Variants in SGCZ observed in about 807,000 individuals in gnomAD.
The protein encoded by SGCZ is sarcoglycan zeta.
A neutral mutation model predicts 41.3 loss-of-function variants in SGCZ; 40 were observed. The ratio of observed to expected loss-of-function variants is 0.97; its 90% confidence interval spans 0.75 to 1.26. The LOEUF is 1.26. SGCZ is among the 50% of genes most tolerant of loss of function. The pLI is 0.00. For missense variants in SGCZ, 552 were observed against 369.8 expected, an observed-to-expected ratio of 1.49 and a Z score of -4.04; for synonymous variants, 206 against 137.5, an observed-to-expected ratio of 1.50 and a Z score of -3.49.
At chr8:14,479,111 A>G (rs914087326) in intron 2 of SGCZ, among the ~76,000 whole-genome samples, 3 of 152,180 alleles carry the variant, frequency 2.0e-5, no homozygotes, top group Non-Finnish European at 2.9e-5. Context: ...CACAGGGTGA[A>G]GTCCCACGAT....
At chr8:14,632,075 G>A (rs1174768528) in intron 1 of SGCZ, among the ~76,000 whole-genome samples, 2 of 152,004 alleles carry the variant, frequency 1.3e-5, no homozygotes, top group African/African-American at 4.8e-5. Context: ...AAAGAGTGCA[G>A]TGGCACAATC....
intron 5 of SGCZ, among the ~76,000 whole-genome samples, chr8:14,164,133 G>A (rs1021075147): frequency 4.6e-5 from 7 of 151,934 alleles, no homozygotes; most frequent in African/African-American, 1.5e-4. Context: ...ACATACTTTT[G>A]AGGATAATTA....
chr8:15,026,821 T>G (rs1014052109), intron 1 of SGCZ, among the ~76,000 whole-genome samples: 5 of 152,182 alleles, frequency 3.3e-5, no homozygotes, highest in African/African-American at 1.2e-4. Flanking sequence ...AGCCCAACAG[T>G]AGATTTCTTT....
At chr8:14,583,079 G>A (rs1407473744) in intron 1 of SGCZ, among the ~76,000 whole-genome samples, 66 of 149,570 alleles carry the variant, frequency 4.4e-4, no homozygotes, top group Non-Finnish European at 7.9e-4. Flanking sequence ...CTGAGGAATC[G>A]CCACACTGAC....
chr8:14,925,864 G>GA (rs11308398), intron 1 of SGCZ, among the ~76,000 whole-genome samples: 49 of 149,964 alleles, frequency 3.3e-4, no homozygotes, highest in East Asian at 9.8e-4. Context: ...TGGGAATTTA[G>GA]AAAAAAAAAA....
chr8:14,609,159 A>T (rs1038226021), intron 1 of SGCZ, among the ~76,000 whole-genome samples: 2 of 152,200 alleles, frequency 1.3e-5, no homozygotes, highest in Admixed American at 1.3e-4. Flanking sequence ...GTCTTTAGCT[A>T]AACATAGATT....
intron 1 of SGCZ, among the ~76,000 whole-genome samples, chr8:14,735,167 T>G (rs1215844880): frequency 6.6e-6 from 1 of 152,210 alleles, no homozygotes; most frequent in Non-Finnish European, 1.5e-5. Context: ...AGCACATTAC[T>G]TGACCCAAAT....
intron 4 of SGCZ, among the ~76,000 whole-genome samples, chr8:14,232,391 G>A (rs1477734436): frequency 1.3e-5 from 2 of 151,864 alleles, no homozygotes; most frequent in East Asian, 1.9e-4. Flanking sequence ...TGCTCAAAGT[G>A]TAAAATATGA....
chr8:14,434,391 C>T (rs976545123), intron 2 of SGCZ, among the ~76,000 whole-genome samples: 4 of 152,156 alleles, frequency 2.6e-5, no homozygotes, highest in Non-Finnish European at 5.9e-5. Context: ...CATTTGAAAT[C>T]AGGTAATGGG....
At position 15,238,387 on chromosome 8, in the gene SGCZ, C is replaced by G. The variant is rs1319679587; in HGVS notation, c.-764G>C. ...TGCTTCGCTGTTTTACTGGCCTTCA[C>G]CACCAGGTGACTGACTTCGCTTCTC... On this transcript the variant is annotated 5_prime_UTR_variant, in exon 1 of 8. Transcript: ENST00000382080. 2 of 152,242 alleles carry G rather than the reference C, an allele frequency of 1.3e-5. No homozygotes were observed. The highest frequency in any genetic ancestry group is 4.8e-5 in the African/African-American group (2 of 41,456). 9.4% of individuals were successfully genotyped at this position (152,242 alleles called of 1,614,324 possible). A position where few individuals can be genotyped will look rare whatever the true frequency, so the allele number is the denominator to read the frequency against.
chr8:14,268,351 A>G (rs936435449), intron 3 of SGCZ, among the ~76,000 whole-genome samples: 1 of 139,598 alleles, frequency 7.2e-6, no homozygotes, highest in African/African-American at 2.4e-5. Flanking sequence ...TTAAAAATAT[A>G]TATGTGTATA....
At chr8:14,822,516 G>C (rs1006282091) in intron 1 of SGCZ, among the ~76,000 whole-genome samples, 3 of 152,016 alleles carry the variant, frequency 2.0e-5, no homozygotes, top group Admixed American at 6.6e-5. Flanking sequence ...ACCCTAAATA[G>C]CCAAAGTAAT....
intron 2 of SGCZ, among the ~76,000 whole-genome samples, chr8:14,337,556 C>G (rs1802547557): frequency 6.6e-6 from 1 of 152,022 alleles, no homozygotes; most frequent in Non-Finnish European, 1.5e-5. Flanking sequence ...AGTGATGACC[C>G]AGTTAAGTCA....
At chr8:14,186,686 C>G in intron 4 of SGCZ, among the ~76,000 whole-genome samples, 1 of 152,182 alleles carries the variant, frequency 6.6e-6, no homozygotes, top group East Asian at 1.9e-4. Context: ...GGCTGTAAAA[C>G]AGGGGGTTCT....
rs202135884 is a variant in SGCZ at position 14,189,035 on chromosome 8, T to A, written c.425-24333A>T. Among the ~76,000 whole-genome samples, 31 of 150,200 alleles carry A rather than the reference T, an allele frequency of 2.1e-4. No homozygotes were observed. The East Asian group carries it at 5.3e-3, about 26-fold the overall frequency. ...CACGCCCAGCTTTTTTTTTTTGTAT[T>A]TTTAGTAGAGATGGGGTTTTACTAT... On this transcript the variant is annotated intron_variant, in intron 4 of 7. Transcript: ENST00000382080.
intron 1 of SGCZ, among the ~76,000 whole-genome samples, chr8:14,878,664 A>T (rs75244594): frequency 6.6e-6 from 1 of 152,216 alleles, no homozygotes; most frequent in Non-Finnish European, 1.5e-5. Context: ...GTCAAGATCT[A>T]TAAGAGGAAC....
intron 1 of SGCZ, among the ~76,000 whole-genome samples, chr8:15,191,554 A>T (rs192965984): frequency 6.6e-6 from 1 of 151,742 alleles, no homozygotes; most frequent in Non-Finnish European, 1.5e-5. Context: ...CTTAAATAAC[A>T]TATCTCCACT....
chr8:14,827,991 A>C (rs1225774932), intron 1 of SGCZ, among the ~76,000 whole-genome samples: 1 of 152,192 alleles, frequency 6.6e-6, no homozygotes, highest in Non-Finnish European at 1.5e-5. Context: ...CACCAAAATA[A>C]ACTCGTACTA....
At chr8:14,579,769 G>C (rs1005478483) in intron 1 of SGCZ, among the ~76,000 whole-genome samples, 5 of 152,118 alleles carry the variant, frequency 3.3e-5, no homozygotes, top group African/African-American at 9.7e-5. Flanking sequence ...ACCATAACAA[G>C]TACATGAGTT....
Sources: gnomAD v4.1 joint callset for allele counts (sites outside exome capture counted in the v4.1 genomes callset) on GRCh38, gnomAD v4.1.1 for gene constraint, MANE v1.5 for transcripts, NCBI Gene and HGNC (gene_info 2026-07-23, HGNC 2026-07-21) for gene names.